Variants in SHPRH observed in about 807,000 individuals in gnomAD.
The protein encoded by SHPRH is SNF2 histone linker PHD RING helicase.
SHPRH carries 106 observed loss-of-function variants against 202.5 expected under a neutral mutation model. That is an observed-to-expected ratio of 0.52 (90% confidence interval 0.45 to 0.62). SHPRH has a LOEUF of 0.62. Among genes scored for constraint, SHPRH ranks in the 20% least tolerant of loss-of-function variants. SHPRH has a pLI of 0.00. For missense variants in SHPRH, 1,710 were observed against 2,020.0 expected, an observed-to-expected ratio of 0.85 and a Z score of 2.94; for synonymous variants, 729 against 686.0, an observed-to-expected ratio of 1.06 and a Z score of -0.98.
intron 14 of SHPRH, among the ~76,000 whole-genome samples, chr6:145,931,439 G>A (rs537386142): frequency 2.8e-4 from 42 of 152,062 alleles, no homozygotes; most frequent in Admixed American, 1.4e-3. Context: ...TGCAACCTCC[G>A]CCTCCGGGGT....
chr6:145,895,078 T>C (rs1781896646), intron 25 of SHPRH, 101 bp from the exon 26 acceptor site: 4 of 1,000,678 alleles, frequency 4.0e-6, no homozygotes, highest in Middle Eastern at 2.1e-4. Flanking sequence ...AAACTATAAA[T>C]GCATCAAAAC....
chr6:145,899,912 C>A (rs1193022757), intron 25 of SHPRH, among the ~76,000 whole-genome samples: 1 of 152,030 alleles, frequency 6.6e-6, no homozygotes, highest in African/African-American at 2.4e-5. Context: ...TGCTCAACGA[C>A]CCTAATCATC....
chr6:145,900,334 A>G (rs142126287), intron 25 of SHPRH, among the ~76,000 whole-genome samples: 40 of 152,258 alleles, frequency 2.6e-4, no homozygotes, highest in African/African-American at 9.4e-4. Context: ...CAGTAAATCA[A>G]TCCTGTCAGG....
chr6:145,919,622 G>A lies in SHPRH; in HGVS notation c.4009-131C>T, dbSNP rs945168365. The A allele has an allele frequency of 5.6e-5, 56 of 1,001,378 alleles. No homozygotes were observed. In the African/African-American group the frequency reaches 8.8e-4, roughly 16 times the overall value. 62.0% of individuals were successfully genotyped at this position (1,001,378 alleles called of 1,614,324 possible). A position where few individuals can be genotyped will look rare whatever the true frequency, so the allele number is the denominator to read the frequency against. ...TTTTCGCTATGTGTCTAACGTACAA[G>A]TAGTTCCTGGGGTCATTTTTAGGAT... On this transcript the variant is annotated intron_variant, in intron 21 of 29. Transcript: ENST00000275233.
At chr6:145,927,460 G>C in intron 14 of SHPRH, 183 bp from the exon 15 acceptor site, 1 of 440,958 alleles carries the variant, frequency 2.3e-6, no homozygotes, top group Admixed American at 3.7e-5. Context: ...GCTGAGTACA[G>C]TTCCTTTTTT....
At chr6:145,912,305 A>G (rs1217684033) in intron 24 of SHPRH, among the ~76,000 whole-genome samples, 1 of 152,148 alleles carries the variant, frequency 6.6e-6, no homozygotes, top group Non-Finnish European at 1.5e-5. Flanking sequence ...AAGTATGAAC[A>G]GAGCTTGAAA....
intron 11 of SHPRH, among the ~76,000 whole-genome samples, chr6:145,936,567 T>C (rs1786091521): frequency 6.6e-6 from 1 of 152,094 alleles, no homozygotes; most frequent in Non-Finnish European, 1.5e-5. Flanking sequence ...GCTCAAGTGA[T>C]CCTCCCACCT....
Position 145,927,139 on chromosome 6 carries a change from T to C in SHPRH, c.3201+50A>G, listed in dbSNP as rs201474860. The C allele has an allele frequency of 4.0e-3, 6,168 of 1,530,078 alleles. 16 individuals are homozygous for C. The highest frequency in any genetic ancestry group is 4.8e-3 in the Non-Finnish European group (5,368 of 1,110,736). 94.8% of individuals were successfully genotyped at this position (1,530,078 alleles called of 1,614,324 possible). A position where few individuals can be genotyped will look rare whatever the true frequency, so the allele number is the denominator to read the frequency against. On this transcript the variant is annotated intron_variant, in intron 15 of 29. Transcript: ENST00000275233. ...TCTTAAACATTCAGAAAAATTATTTTGTTAAAAAAACAAACAGAATACCTA... is the reference window on the plus strand; with the variant it reads ...TCTTAAACATTCAGAAAAATTATTTCGTTAAAAAAACAAACAGAATACCTA...
rs1355838329 is a variant in SHPRH at position 145,913,515 on chromosome 6, T to A, written c.4289A>T (p.Glu1430Val). 6.2e-7 allele frequency: 1 copy of A among 1,610,082 alleles called. No homozygotes were observed. Among genetic ancestry groups the A allele is most frequent in the Non-Finnish European group, 8.5e-7 (1 of 1,178,220 alleles). ...QDKTSGGVNP[E>V]PCPICARQLG... is the part of the protein sequence containing the mutation. ...CTGTCGAGCACAGATTGGGCAAGGTTCTGGATTAACACCTCCCGATGTTTT... is the reference window on the plus strand; with the variant it reads ...CTGTCGAGCACAGATTGGGCAAGGTACTGGATTAACACCTCCCGATGTTTT... Residue 1430 changes from glutamate to valine, a missense_variant, in exon 24 of 30, where the codon GAA (glutamate) becomes GTA (valine). Around this residue, in one of 8 missense-constraint regions of SHPRH, gnomAD observed 306 missense variants for 479.5 expected, o/e 0.64. Transcript: ENST00000275233.
intron 1 of SHPRH, among the ~76,000 whole-genome samples, chr6:145,960,330 G>A (rs928548826): frequency 6.6e-5 from 10 of 152,184 alleles, no homozygotes; most frequent in Non-Finnish European, 5.9e-5. Context: ...GTCAAGTGGT[G>A]AAGAAATATA....
rs1781733076 is a variant in SHPRH at position 145,893,356 on chromosome 6, T to C, written c.4733A>G (p.Asn1578Ser). 5.6e-6 allele frequency: 9 copies of C among 1,597,338 alleles called. No individual in the cohort carries two copies. The highest frequency in any genetic ancestry group is 7.7e-6 in the Non-Finnish European group (9 of 1,174,412). ...TGTGTGCAGGGGCAGCAGCAAAATA[T>C]TGATTTGGGGATCACGTTTAAATGC... ...LSAFKRDPQI[N>S]ILLLPLHTGS... is the part of the protein sequence containing the mutation. The change falls in exon 28 of 30, where the codon AAT (asparagine) becomes AGT (serine). Residue 1578 changes from asparagine (N) to serine (S), a missense_variant. Transcript: ENST00000275233.
downstream of SHPRH, among the ~76,000 whole-genome samples, chr6:145,863,038 T>A (rs1779635195): frequency 6.6e-6 from 1 of 152,134 alleles, no homozygotes; most frequent in Admixed American, 6.5e-5. Flanking sequence ...TGGACAGGAG[T>A]TTGAATCTAA....
intron 22 of SHPRH, chr6:145,918,991 AAG>A (rs1784189450): frequency 6.0e-6 from 1 of 165,550 alleles, no homozygotes; most frequent in African/African-American, 2.4e-5. Context: ...GTTTTTAAGG[AAG>A]ATTTTTCTAG....
In SHPRH at chr6:145,940,203, C is replaced by T. The variant is rs78241799; in HGVS notation, c.2569+520G>A. 4.2e-3 allele frequency among the ~76,000 whole-genome samples: 637 copies of T among 152,086 alleles called. 18 individuals carry two copies. The East Asian group carries it at 0.072, about 17-fold the overall frequency. On this transcript the variant is annotated intron_variant, in intron 11 of 29. Transcript: ENST00000275233. The stretch of plus-strand genomic sequence containing the variant: ...AGTAAAGGAATGGTAGAAACAATAA[C>T]GGTATATACATATAGTGTGACATTA...
downstream of SHPRH, among the ~76,000 whole-genome samples, chr6:145,862,385 C>T (rs920310313): frequency 6.6e-5 from 10 of 151,606 alleles, no homozygotes; most frequent in East Asian, 5.8e-4. Flanking sequence ...ACCCGGGAGG[C>T]GGAGCTTGCA....
rs544482264 is a variant in SHPRH at position 145,893,705 on chromosome 6, G to C, written c.4696-312C>G. 2.6e-5 allele frequency among the ~76,000 whole-genome samples: 4 copies of C among 152,242 alleles called. No individual in the cohort carries two copies. The East Asian group carries it at 5.8e-4, about 22-fold the overall frequency. ...AAAGAGAAAAAGAATGTGCTAGAGT[G>C]AATGTGAGATAAGAGACATGAATCT... On this transcript the variant is annotated intron_variant, in intron 27 of 29. Coordinates refer to ENST00000275233, the MANE Select transcript of SHPRH (RefSeq NM_001042683.3).
intron 14 of SHPRH, among the ~76,000 whole-genome samples, chr6:145,929,146 G>A (rs1048584102): frequency 3.3e-5 from 5 of 151,538 alleles, no homozygotes; most frequent in African/African-American, 1.2e-4. Flanking sequence ...TTTTTAAAAA[G>A]ACATGCTTTC....
intron 1 of SHPRH, among the ~76,000 whole-genome samples, chr6:145,963,265 G>C (rs1042141584): frequency 2.0e-5 from 3 of 152,126 alleles, no homozygotes; most frequent in Non-Finnish European, 4.4e-5. Context: ...TTCTATTCAA[G>C]AGTTTCATCA....
chr6:145,864,995 C>T (rs1234009977), intron 2 of SHPRH, among the ~76,000 whole-genome samples: 1 of 151,398 alleles, frequency 6.6e-6, no homozygotes, highest in Non-Finnish European at 1.5e-5. Flanking sequence ...ACCGTGGTGC[C>T]TTTCTATTTA....
Sources: gnomAD v4.1 joint callset for allele counts (sites outside exome capture counted in the v4.1 genomes callset) on GRCh38, gnomAD v4.1.1 for gene constraint, gnomAD v4.1.1 regional missense constraint, MANE v1.5 for transcripts, NCBI Gene and HGNC (gene_info 2026-07-23, HGNC 2026-07-21) for gene names.